The following IGSF11 variants were observed in gnomAD, a reference collection of about 807,000 sequenced individuals.
The protein encoded by IGSF11 is immunoglobulin superfamily member 11, also known as CXADR like 1.
In IGSF11, 22 loss-of-function variants were observed where a neutral mutation model predicts 41.0. The ratio of observed to expected loss-of-function variants is 0.54; its 90% confidence interval spans 0.38 to 0.77. The LOEUF (loss-of-function observed/expected upper bound fraction) is 0.77, where lower values mean the gene tolerates loss of function less well. Among genes scored for constraint, IGSF11 ranks in the 30% least tolerant of loss-of-function variants. The probability of loss-of-function intolerance (pLI) is 0.00; values close to 1 mark genes in which losing one functional copy is unlikely to be tolerated. For missense variants in IGSF11, 444 were observed against 530.8 expected (o/e 0.84, Z 1.61); for synonymous variants, 219 against 201.3 (o/e 1.09, Z -0.74).
At chr3:119,123,241 C>A (rs1257827285) in intron 1 of IGSF11, among the ~76,000 whole-genome samples, 1 of 152,150 alleles carries the variant, frequency 6.6e-6, no homozygotes, top group Non-Finnish European at 1.5e-5. Context: ...TGGTAGCGGC[C>A]ACAGGGTCAG....
At chr3:119,001,710 G>C (rs1184393640) in intron 1 of IGSF11, among the ~76,000 whole-genome samples, 1 of 148,846 alleles carries the variant, frequency 6.7e-6, no homozygotes, top group African/African-American at 2.5e-5. Flanking sequence ...CTATGAGTGA[G>C]AATATGCAGT....
At chr3:118,959,815 A>T (rs549177859) in intron 1 of IGSF11, among the ~76,000 whole-genome samples, 39 of 152,272 alleles carry the variant, frequency 2.6e-4, no homozygotes, top group African/African-American at 8.7e-4. Flanking sequence ...TGGGAGGCCA[A>T]GGCGGGCAGA....
chr3:119,123,578 T>C (rs1200716966), intron 1 of IGSF11, among the ~76,000 whole-genome samples: 1 of 152,204 alleles, frequency 6.6e-6, no homozygotes, highest in African/African-American at 2.4e-5. Flanking sequence ...GCTTCAAGTA[T>C]GATGCACTGC....
At chr3:118,931,770 G>T (rs1942874203) in intron 1 of IGSF11, among the ~76,000 whole-genome samples, 2 of 141,074 alleles carry the variant, frequency 1.4e-5, no homozygotes, top group Admixed American at 7.4e-5. Flanking sequence ...GTCTCGCTCT[G>T]TTGCCAGGCT....
At chr3:119,120,775 C>T (rs1386640544) in intron 1 of IGSF11, among the ~76,000 whole-genome samples, 1 of 152,154 alleles carries the variant, frequency 6.6e-6, no homozygotes, top group African/African-American at 2.4e-5. Flanking sequence ...GGGCAGGAGA[C>T]ACCATATTGA....
rs544550708 is a variant in IGSF11 at position 118,912,606 on chromosome 3, T to A, written c.581-6888A>T. On this transcript the variant is annotated intron_variant, in intron 4 of 6. Coordinates refer to ENST00000393775, the MANE Select transcript of IGSF11 (RefSeq NM_001015887.3). ...TGTTGGCAGAAACAAATAGAAAACATAACCTACAGCTTAGAGAAACTATAG... is the reference window on the plus strand; with the variant it reads ...TGTTGGCAGAAACAAATAGAAAACAAAACCTACAGCTTAGAGAAACTATAG... Among the ~76,000 whole-genome samples, 1,275 of 152,176 alleles carry A rather than the reference T, an allele frequency of 8.4e-3. 22 individuals carry two copies. Among genetic ancestry groups the A allele is most frequent in the African/African-American group, 0.028 (1,170 of 41,512 alleles).
chr3:119,133,210 T>C (rs573450037), intron 1 of IGSF11, among the ~76,000 whole-genome samples: 7 of 152,138 alleles, frequency 4.6e-5, no homozygotes, highest in South Asian at 2.1e-4. Flanking sequence ...AAAAAATTAC[T>C]AAGATCAGAG....
At chr3:118,930,544 T>C (rs991299399) in intron 1 of IGSF11, among the ~76,000 whole-genome samples, 2 of 152,212 alleles carry the variant, frequency 1.3e-5, no homozygotes, top group Non-Finnish European at 2.9e-5. Flanking sequence ...CAGATTCAAA[T>C]ACGACACAGA....
intron 1 of IGSF11, among the ~76,000 whole-genome samples, chr3:119,087,694 G>A (rs540270298): frequency 7.2e-5 from 11 of 151,980 alleles, no homozygotes; most frequent in African/African-American, 2.7e-4. Context: ...GGTGATGGGT[G>A]TACCAAAATC....
At chr3:119,022,604 A>G (rs1460979305) in intron 1 of IGSF11, among the ~76,000 whole-genome samples, 5 of 152,220 alleles carry the variant, frequency 3.3e-5, no homozygotes, top group African/African-American at 1.2e-4. Context: ...ATGCTAGTAA[A>G]AAGGGGAAAA....
chr3:119,082,529 T>G (rs1333573675), intron 1 of IGSF11, among the ~76,000 whole-genome samples: 1 of 152,180 alleles, frequency 6.6e-6, no homozygotes, highest in African/African-American at 2.4e-5. Context: ...CTCAATAACA[T>G]CCTTACAATC....
intron 1 of IGSF11, among the ~76,000 whole-genome samples, chr3:119,046,157 G>A (rs371400007): frequency 0.21 from 30,873 of 150,338 alleles, 3,410 homozygotes; most frequent in Middle Eastern, 0.24. Context: ...TGACTTTGAC[G>A]AGCTGAGAGA....
chr3:119,122,243 TAG>T (rs1288294981), intron 1 of IGSF11, among the ~76,000 whole-genome samples: 1 of 152,144 alleles, frequency 6.6e-6, no homozygotes, highest in Non-Finnish European at 1.5e-5. Context: ...TGCACTTGGG[TAG>T]AGAGAACACA....
intron 1 of IGSF11, among the ~76,000 whole-genome samples, chr3:119,056,790 C>T (rs1941853646): frequency 6.6e-6 from 1 of 152,200 alleles, no homozygotes; most frequent in African/African-American, 2.4e-5. Flanking sequence ...AAGTGGGCTT[C>T]ATCCCTGGGA....
rs1444867449 is a variant in IGSF11 at position 119,006,171 on chromosome 3, T to C, written c.52+28360A>G. ...GGAGGCTTTGCTCGTTTCTTTTTAT[T>C]CTTTTTTCTCTAAACTTCCCTTCTC... On this transcript the variant is annotated intron_variant, in intron 1 of 6. Transcript: ENST00000393775. Among the ~76,000 whole-genome samples, 3 of 126,186 alleles carry C rather than the reference T, an allele frequency of 2.4e-5. 1 individual carries two copies. The highest frequency in any genetic ancestry group is 4.8e-5 in the Non-Finnish European group (3 of 63,156). 82.8% of individuals were successfully genotyped at this position (126,186 alleles called of 152,430 possible).
intron 1 of IGSF11, among the ~76,000 whole-genome samples, chr3:119,043,404 T>A (rs184808396): frequency 1.6e-4 from 25 of 152,216 alleles, no homozygotes; most frequent in African/African-American, 4.8e-4. Context: ...TGTTTAAAGG[T>A]GGATGTGGTC....
At chr3:119,095,193 C>T (rs1389743191) in intron 1 of IGSF11, among the ~76,000 whole-genome samples, 1 of 152,134 alleles carries the variant, frequency 6.6e-6, no homozygotes, top group African/African-American at 2.4e-5. Flanking sequence ...GGTTCATGCT[C>T]GTATCTGAGA....
At chr3:118,939,690 G>C (rs1263792387) in intron 1 of IGSF11, among the ~76,000 whole-genome samples, 1 of 152,038 alleles carries the variant, frequency 6.6e-6, no homozygotes, top group Admixed American at 6.6e-5. Flanking sequence ...AAAATTTATG[G>C]GGAAGCAACC....
At chr3:119,133,591 C>T (rs1429927645) in intron 1 of IGSF11, among the ~76,000 whole-genome samples, 2 of 151,904 alleles carry the variant, frequency 1.3e-5, no homozygotes, top group African/African-American at 2.4e-5. Flanking sequence ...GCCTACCAAC[C>T]AAAAAAAGTC....
Sources: gnomAD v4.1 joint callset for allele counts (sites outside exome capture counted in the v4.1 genomes callset) on GRCh38, gnomAD v4.1.1 for gene constraint, MANE v1.5 for transcripts, NCBI Gene and HGNC (gene_info 2026-07-23, HGNC 2026-07-21) for gene names.